Variants in MEIS3 observed in about 807,000 individuals in gnomAD.
MEIS3 encodes homeobox protein Meis3.
A neutral mutation model predicts 51.4 loss-of-function variants in MEIS3; 38 were observed. That is an observed-to-expected ratio of 0.74 (90% CI 0.57 to 0.97). The LOEUF is 0.97. Ranked by LOEUF, MEIS3 falls within the 50% of genes least tolerant of loss-of-function variation. The probability of loss-of-function intolerance (pLI) is 0.00; values close to 1 mark genes in which losing one functional copy is unlikely to be tolerated. For missense variants in MEIS3, 456 were observed against 502.6 expected (o/e 0.91, Z 0.89); for synonymous variants, 198 against 201.8 (o/e 0.98, Z 0.16).
chr19:47,417,004 G>A (rs1379603521), intron 2 of MEIS3, 41 bp from the exon 3 acceptor site: 1 of 1,549,950 alleles, frequency 6.5e-7, no homozygotes, highest in Non-Finnish European at 8.7e-7. Context: ...GGAGAGGCTG[G>A]GAGGTGGATG....
chr19:47,415,110 G>A lies in MEIS3; in HGVS notation c.397-9C>T, dbSNP rs549923749. ...TGGATGGCCTGGATCATCTGAAAAC[G>A]TGGGCGGGAGGTGGGGGGAGACAGA... On this transcript the variant is annotated splice_polypyrimidine_tract_variant and intron_variant, in intron 4 of 12. Transcript: ENST00000558555. 64 of 1,553,010 alleles carry A rather than the reference G, an allele frequency of 4.1e-5. No individual in the cohort carries two copies. In the East Asian group the frequency reaches 9.8e-4, roughly 24 times the overall value.
intron 6 of MEIS3, among the ~76,000 whole-genome samples, chr19:47,413,894 ATT>A (rs560828506): frequency 1.4e-5 from 2 of 141,826 alleles, no homozygotes; most frequent in South Asian, 2.2e-4. Flanking sequence ...CACCCAGCTA[ATT>A]TTTTTTTTTT....
intron 4 of MEIS3, 88 bp from the exon 5 acceptor site, chr19:47,415,189 G>A: frequency 1.2e-6 from 1 of 804,864 alleles, no homozygotes; most frequent in Non-Finnish European, 2.1e-6. Flanking sequence ...GAAGGAGGAA[G>A]AGGAGACACA....
chr19:47,421,242 G>A (rs1191158309), upstream of MEIS3, among the ~76,000 whole-genome samples: 2 of 152,140 alleles, frequency 1.3e-5, no homozygotes, highest in Non-Finnish European at 2.9e-5. Context: ...TCCTGCACCT[G>A]TTTTACAGAC....
rs267605554 is a variant in MEIS3, at chr19:47,409,464, G to C, written c.681C>G (p.Ser227=). 1 of 1,613,934 alleles carries C rather than the reference G, an allele frequency of 6.2e-7. No homozygotes were observed. Among genetic ancestry groups the C allele is most frequent in the East Asian group, 2.2e-5 (1 of 44,890 alleles). ...GGTCACTGGAGTTGTCCCCACTCTG[G>C]GAGGCCAGGCCCCCACTGGATGGAC... is the stretch of plus-strand genomic sequence containing the variant. ...TPGPSSGGLA[S]QSGDNSSDQG... The change falls in exon 7 of 13, where the codon TCC becomes TCG. Residue 227 remains serine (S), a synonymous_variant. Coordinates refer to ENST00000558555, the MANE Select transcript of MEIS3 (RefSeq NM_001301059.2).
chr19:47,413,012 T>G lies in MEIS3; in HGVS notation c.597+1705A>C, dbSNP rs368775042. ...AGCCACTGCGCCCAGCCATCACCAG[T>G]CTACATTTTCCTTTCTGTGACTGCA... On this transcript the variant is annotated intron_variant, in intron 6 of 12. Coordinates refer to ENST00000558555, the MANE Select transcript of MEIS3 (RefSeq NM_001301059.2). 2.4e-3 allele frequency among the ~76,000 whole-genome samples: 364 copies of G among 150,780 alleles called. 1 individual carries two copies. Among genetic ancestry groups the G allele is most frequent in the African/African-American group, 8.2e-3 (339 of 41,264 alleles).
chr19:47,422,016 C>T (rs367556899), upstream of MEIS3, among the ~76,000 whole-genome samples: 13 of 151,858 alleles, frequency 8.6e-5, no homozygotes, highest in East Asian at 1.2e-3. Context: ...CCTGGCCCAG[C>T]TCCAGGAGAA....
chr19:47,415,919 C>G (rs1971389915), intron 4 of MEIS3: 1 of 151,330 alleles, frequency 6.6e-6, no homozygotes, highest in Non-Finnish European at 1.5e-5. Context: ...CTATGAGAGA[C>G]AGGGTCTTGC....
upstream of MEIS3, among the ~76,000 whole-genome samples, chr19:47,420,892 GCTCTCTCT>G (rs147025798): frequency 9.2e-6 from 1 of 108,246 alleles, no homozygotes; most frequent in East Asian, 3.1e-4. Context: ...TCTGTCTCTC[GCTCTCTCT>G]CTCTCTCTCT....
intron 8 of MEIS3, 33 bp downstream of exon 8, chr19:47,409,066 T>C (rs2272294): frequency 6.2e-7 from 1 of 1,603,642 alleles, no homozygotes; most frequent in South Asian, 1.1e-5. Context: ...CTCTCTCCAT[T>C]CCCACCCTGC....
At chr19:47,413,847 C>A (rs553720565) in intron 6 of MEIS3, among the ~76,000 whole-genome samples, 1 of 151,710 alleles carries the variant, frequency 6.6e-6, no homozygotes, top group Non-Finnish European at 1.5e-5. Context: ...CCTGCCTCAG[C>A]CTCCTGAGTA....
intron 1 of MEIS3, 200 bp from the exon 2 acceptor site, chr19:47,417,550 C>A (rs1040784940): frequency 1.4e-6 from 1 of 718,848 alleles, no homozygotes; most frequent in African/African-American, 1.7e-5. Context: ...GGAGTGAGGA[C>A]CCCGTCCAGG....
At chr19:47,414,917 G>A (rs1431027493) in intron 5 of MEIS3, 51 bp from the exon 6 acceptor site, 1 of 1,259,250 alleles carries the variant, frequency 7.9e-7, no homozygotes, top group South Asian at 1.3e-5. Flanking sequence ...GGCAGGGCGG[G>A]GGTGCTCAGG....
At position 47,417,295 on chromosome 19, in the gene MEIS3, C is replaced by T. The variant is rs1971486228; in HGVS notation, c.68G>A (p.Ser23Asn). Residue 23 changes from serine to asparagine, a missense_variant, in exon 2 of 13, where the codon AGC (serine) becomes AAC (asparagine). By Grantham distance (46) the Ser-to-Asn change is conservative. Transcript: ENST00000558555. The part of the protein sequence containing the change: ...GIVDGPAALA[S>N]FPETVPAVPG... ...TACTGCGGGCACTGTCTCTGGGAAG[C>T]TAGCCAGGGCTGCGGGGCCATCCAC... 3 of 1,613,694 alleles carry T rather than the reference C, an allele frequency of 1.9e-6. No individual in the cohort carries two copies. The East Asian group carries it at 6.7e-5, about 36-fold the overall frequency.
intron 6 of MEIS3, among the ~76,000 whole-genome samples, chr19:47,413,645 G>A (rs1030598946): frequency 3.3e-5 from 5 of 152,072 alleles, no homozygotes; most frequent in East Asian, 3.9e-4. Context: ...TGTGTTTTCC[G>A]TCTGGTGTCC....
intron 8 of MEIS3, 120 bp downstream of exon 8, chr19:47,408,979 C>A: frequency 8.4e-7 from 1 of 1,188,928 alleles, no homozygotes; most frequent in Admixed American, 2.1e-5. Flanking sequence ...CCATGAGAGT[C>A]TCGAAAAATT....
At chr19:47,412,906 G>T (rs1971208625) in intron 6 of MEIS3, among the ~76,000 whole-genome samples, 1 of 151,806 alleles carries the variant, frequency 6.6e-6, no homozygotes, top group Non-Finnish European at 1.5e-5. Flanking sequence ...TTTTTGCCAT[G>T]TTGGCCAGGC....
intron 12 of MEIS3, 24 bp downstream of exon 12, chr19:47,406,436 T>C (rs1204800063): frequency 1.2e-6 from 2 of 1,601,328 alleles, no homozygotes; most frequent in Non-Finnish European, 1.7e-6. Context: ...AATTGCACAA[T>C]CCCCAGCCCT....
rs538489994 is a variant in MEIS3, at chr19:47,419,375, C to G, written c.-294G>C. 55 of 156,436 alleles carry G rather than the reference C, an allele frequency of 3.5e-4. No homozygotes were observed. Among genetic ancestry groups the G allele is most frequent in the Admixed American group, 7.2e-4 (11 of 15,322 alleles). 9.7% of individuals were successfully genotyped at this position (156,436 alleles called of 1,614,324 possible). A position where few individuals can be genotyped will look rare whatever the true frequency, so the allele number is the denominator to read the frequency against. On this transcript the variant is annotated 5_prime_UTR_variant, in exon 1 of 13. Coordinates refer to ENST00000558555, the MANE Select transcript of MEIS3 (RefSeq NM_001301059.2). ...GCGCCCGAGGCCCCCTCCTCTGGGCCCCCCCCGTCCCTTCCCCGGCTCTGG... is the reference window on the plus strand; with the variant it reads ...GCGCCCGAGGCCCCCTCCTCTGGGCGCCCCCCGTCCCTTCCCCGGCTCTGG...
Sources: allele counts gnomAD v4.1 joint callset (sites outside exome capture counted in the v4.1 genomes callset), GRCh38; gene constraint gnomAD v4.1.1; transcripts MANE v1.5; gene names NCBI Gene and HGNC (gene_info 2026-07-23, HGNC 2026-07-21).